The following NDE1 variants were observed in gnomAD, a reference collection of about 807,000 sequenced individuals.
NDE1 encodes nudE neurodevelopment protein 1.
In NDE1, 28 loss-of-function variants were observed where a neutral mutation model predicts 43.4. The observed-to-expected ratio is 0.65, with a 90% CI of 0.48 to 0.89. NDE1 has a LOEUF of 0.89. NDE1 is among the 40% of genes least tolerant of loss of function. NDE1 has a pLI of 0.00. For synonymous variants in NDE1, 184 were observed against 172.0 expected (o/e 1.07, Z -0.55); for missense variants, 441 against 434.1 (o/e 1.02, Z -0.14).
chr16:15,659,798 G>C (rs1212055888), intron 1 of NDE1, among the ~76,000 whole-genome samples: 1 of 148,582 alleles, frequency 6.7e-6, no homozygotes, highest in Non-Finnish European at 1.5e-5. Context: ...ACTCAGGCTG[G>C]AGTGCAGTGG....
In NDE1 at chr16:15,718,587, T is replaced by TA. The variant is rs1228122252; in HGVS notation, c.948-5603dup. Reference sequence around the variant, plus strand: ...GAAGATTAGAAGACTCATCTGTAGTTACACAGCCAGGAAGTGGACAGCCGG... The same window carrying TA: ...GAAGATTAGAAGACTCATCTGTAGTTAACACAGCCAGGAAGTGGACAGCCGG... On this transcript the variant is annotated intron_variant, in intron 8 of 8. Coordinates refer to ENST00000396354, the MANE Select transcript of NDE1 (RefSeq NM_017668.3). 8 of 1,235,416 alleles carry TA rather than the reference T, an allele frequency of 6.5e-6. No homozygotes were observed. The East Asian group carries it at 2.0e-4, about 31-fold the overall frequency. 76.5% of individuals were successfully genotyped at this position (1,235,416 alleles called of 1,614,324 possible).
intron 8 of NDE1, among the ~76,000 whole-genome samples, chr16:15,699,288 C>CGG (rs2039141868): frequency 1.4e-5 from 2 of 146,950 alleles, no homozygotes; most frequent in Non-Finnish European, 3.0e-5. Flanking sequence ...GAGACAGGGT[C>CGG]TCACTCTGTC....
chr16:15,644,657 A>G (rs759902160), intron 1 of NDE1, among the ~76,000 whole-genome samples: 1 of 152,202 alleles, frequency 6.6e-6, no homozygotes, highest in African/African-American at 2.4e-5. Context: ...ATGTCTGTGT[A>G]TAGGTAGTAT....
Position 15,724,257 on chromosome 16 carries a change from G to C in NDE1, c.*6G>C. 1 of 1,614,218 alleles carries C rather than the reference G, an allele frequency of 6.2e-7. No homozygotes were observed. The highest frequency in any genetic ancestry group is 1.1e-5 in the South Asian group (1 of 91,078). On this transcript the variant is annotated 3_prime_UTR_variant, in exon 9 of 9. Transcript: ENST00000396354. Reference sequence around the variant, plus strand: ...GGTCGTCCAGCTCCTGCTGAAGCCTGTTCTTGGTCTTTTCCAGTTTATCAT... The same window carrying C: ...GGTCGTCCAGCTCCTGCTGAAGCCTCTTCTTGGTCTTTTCCAGTTTATCAT...
At chr16:15,717,715 G>A (rs1279876477) in intron 8 of NDE1, 1 of 341,578 alleles carries the variant, frequency 2.9e-6, no homozygotes, top group East Asian at 6.9e-5. Context: ...AGAATCCCTT[G>A]AACTTGGGAG....
chr16:15,700,793 G>C (rs752149087), intron 8 of NDE1, among the ~76,000 whole-genome samples: 4 of 151,970 alleles, frequency 2.6e-5, no homozygotes, highest in East Asian at 1.9e-4. Flanking sequence ...CCAAGTCTCC[G>C]TAAATGTGGG....
At chr16:15,666,091 C>T (rs2037291779) in intron 2 of NDE1, among the ~76,000 whole-genome samples, 1 of 152,054 alleles carries the variant, frequency 6.6e-6, no homozygotes. Flanking sequence ...TTATCAGTTC[C>T]TAGATGCCAT....
At chr16:15,673,348 C>T (rs1033478121) in intron 3 of NDE1, among the ~76,000 whole-genome samples, 2 of 151,890 alleles carry the variant, frequency 1.3e-5, no homozygotes, top group Non-Finnish European at 2.9e-5. Context: ...GGACCATAGG[C>T]ACTTGCCACC....
Position 15,695,495 on chromosome 16 carries a change from C to CA in NDE1, c.796-1194dup, listed in dbSNP as rs3073434. ...TGGGTGACAAAGTGAGACTTGGTCT[C>CA]AAAAAAAAAAAAAAAAAAAATCTTG... On this transcript the variant is annotated intron_variant, in intron 7 of 8. Transcript: ENST00000396354. The CA allele has an allele frequency of 7.5e-3, 6,916 of 925,226 alleles. 2 individuals carry two copies. Among genetic ancestry groups the CA allele is most frequent in the Non-Finnish European group, 7.9e-3 (6,235 of 793,422 alleles). 57.3% of individuals were successfully genotyped at this position (925,226 alleles called of 1,614,324 possible). A position where few individuals can be genotyped will look rare whatever the true frequency, so the allele number is the denominator to read the frequency against.
intron 8 of NDE1, chr16:15,721,174 G>A (rs760090320): frequency 1.1e-5 from 12 of 1,123,158 alleles, no homozygotes; most frequent in Non-Finnish European, 1.4e-5. Flanking sequence ...CAGGATGCAT[G>A]GCCGGGACTC....
intron 7 of NDE1, chr16:15,695,805 T>C (rs1021769448): frequency 4.0e-6 from 3 of 751,908 alleles, no homozygotes; most frequent in African/African-American, 1.9e-5. Context: ...TTTAGCCTAG[T>C]TGGAGTATAG....
intron 8 of NDE1, chr16:15,714,797 G>A: frequency 7.7e-7 from 1 of 1,305,946 alleles, no homozygotes; most frequent in South Asian, 1.2e-5. Flanking sequence ...AACCACAGAA[G>A]GGAGTGGCGG....
intron 3 of NDE1, among the ~76,000 whole-genome samples, chr16:15,670,479 A>G (rs1225905776): frequency 6.6e-6 from 1 of 151,978 alleles, no homozygotes; most frequent in Non-Finnish European, 1.5e-5. Flanking sequence ...CCAACATGAC[A>G]AAACCCTGTC....
intron 8 of NDE1, among the ~76,000 whole-genome samples, chr16:15,720,576 T>TTGTC (rs1300823294): frequency 6.6e-6 from 1 of 150,930 alleles, no homozygotes; most frequent in African/African-American, 2.4e-5. Context: ...TGGTGAAACC[T>TTGTC]TGTCTCCACT....
chr16:15,690,235 G>A (rs778552093), intron 5 of NDE1, among the ~76,000 whole-genome samples: 16 of 150,568 alleles, frequency 1.1e-4, no homozygotes, highest in African/African-American at 1.7e-4. Flanking sequence ...TAATAGAGAC[G>A]GGGTTTTGCC....
chr16:15,719,286 G>A (rs1176791349), intron 8 of NDE1: 1 of 1,612,436 alleles, frequency 6.2e-7, no homozygotes, highest in Non-Finnish European at 8.5e-7. Context: ...TTGTTTGCGA[G>A]CCCTCTCAGC....
intron 8 of NDE1, chr16:15,721,412 A>C (rs1397405569): frequency 6.2e-7 from 1 of 1,613,824 alleles, no homozygotes; most frequent in African/African-American, 1.3e-5. Flanking sequence ...AACCACCCAG[A>C]GCCACTTACG....
chr16:15,715,742 G>C (rs2040092760), intron 8 of NDE1, among the ~76,000 whole-genome samples: 1 of 152,114 alleles, frequency 6.6e-6, no homozygotes. Context: ...TGAACTCCTG[G>C]CTCAAGCAAT....
intron 7 of NDE1, chr16:15,694,874 C>T (rs1189734276): frequency 5.2e-5 from 51 of 985,236 alleles, no homozygotes; most frequent in Non-Finnish European, 5.8e-5. Context: ...TTAAGGAGCA[C>T]TTGGAAACTG....
Sources: gnomAD v4.1 joint callset for allele counts (sites outside exome capture counted in the v4.1 genomes callset) on GRCh38, gnomAD v4.1.1 for gene constraint, MANE v1.5 for transcripts, NCBI Gene and HGNC (gene_info 2026-07-23, HGNC 2026-07-21) for gene names.